DSCAML1: variants seen among roughly 807,000 people sequenced by gnomAD.
DSCAML1 encodes the protein DS cell adhesion molecule like 1.
DSCAML1 carries 38 observed loss-of-function variants against 200.5 expected under a neutral mutation model. That is an observed-to-expected ratio of 0.19 (90% CI 0.15 to 0.25). The LOEUF is 0.25. Ranked by LOEUF, DSCAML1 falls within the 10% of genes least tolerant of loss-of-function variation. DSCAML1 has a pLI of 1.00. For synonymous variants in DSCAML1, 1,215 were observed against 1,165.0 expected, an observed-to-expected ratio of 1.04 and a Z score of -0.87; for missense variants, 2,223 against 2,858.8, an observed-to-expected ratio of 0.78 and a Z score of 5.07.
At chr11:117,512,386 C>T (rs899117498) in intron 8 of DSCAML1, among the ~76,000 whole-genome samples, 7 of 152,112 alleles carry the variant, frequency 4.6e-5, no homozygotes, top group Non-Finnish European at 1.0e-4. Context: ...AATCAAGCAG[C>T]GTGATCATAA....
In DSCAML1 at chr11:117,781,718, C is replaced by G. The variant is rs553133218; in HGVS notation, c.47-908G>C. The stretch of plus-strand genomic sequence containing the variant: ...CTCACTTGGATCGTCTGCTCCTTCA[C>G]TTGGAAAATGGAGGGAGAGGATGGG... On this transcript the variant is annotated intron_variant, in intron 1 of 32. Coordinates refer to ENST00000651296, the MANE Select transcript of DSCAML1 (RefSeq NM_020693.4). 1.1e-4 allele frequency among the ~76,000 whole-genome samples: 17 copies of G among 152,358 alleles called. No individual in the cohort carries two copies. In the South Asian group the frequency reaches 3.1e-3, roughly 28 times the overall value.
chr11:117,627,426 G>A (rs536956491), intron 3 of DSCAML1, among the ~76,000 whole-genome samples: 1 of 152,254 alleles, frequency 6.6e-6, no homozygotes, highest in South Asian at 2.1e-4. Context: ...GGCTTTGACT[G>A]AAGGCCTCTA....
intron 3 of DSCAML1, among the ~76,000 whole-genome samples, chr11:117,678,279 C>A (rs1343890439): frequency 2.0e-5 from 3 of 152,182 alleles, no homozygotes; most frequent in African/African-American, 7.2e-5. Context: ...GAGCCCCAGG[C>A]TACAGGGTGG....
In DSCAML1 at chr11:117,516,392, GT is replaced by G; in HGVS notation, c.1783+74del. 6.5e-7 allele frequency: 1 copy of G among 1,541,748 alleles called. No homozygotes were observed. Among genetic ancestry groups the G allele is most frequent in the Non-Finnish European group, 8.8e-7 (1 of 1,139,918 alleles). Reference sequence around the variant, plus strand: ...CCCAGGATTGCCTATTGTTGTCTGAGTCCCAGCTGGGGAAAGGCCCACGCAT... The same window carrying G: ...CCCAGGATTGCCTATTGTTGTCTGAGCCCAGCTGGGGAAAGGCCCACGCAT... On this transcript the variant is annotated intron_variant, in intron 8 of 32. Coordinates refer to ENST00000651296, the MANE Select transcript of DSCAML1 (RefSeq NM_020693.4). The surrounding 1 kb of genome is among the most constrained non-coding windows in gnomAD (Gnocchi z 5.7).
intron 3 of DSCAML1, among the ~76,000 whole-genome samples, chr11:117,654,010 A>C (rs1348813842): frequency 6.6e-6 from 1 of 152,168 alleles, no homozygotes; most frequent in Admixed American, 6.5e-5. Flanking sequence ...TGGGTGAGAG[A>C]ATGAGACCTT....
rs571602477 is a variant in DSCAML1, at chr11:117,681,464, C to T, written c.511+95327G>A. On this transcript the variant is annotated intron_variant, in intron 3 of 32. Transcript: ENST00000651296. Reference sequence around the variant, plus strand: ...GGCTTGACCACAGGGCAGTGAAGTCCTGTGCAACTGGGAAATGCTTCCCTT... The same window carrying T: ...GGCTTGACCACAGGGCAGTGAAGTCTTGTGCAACTGGGAAATGCTTCCCTT... 3.3e-5 allele frequency among the ~76,000 whole-genome samples: 5 copies of T among 152,354 alleles called. No homozygotes were observed. The East Asian group carries it at 9.6e-4, about 29-fold the overall frequency.
At chr11:117,744,593 G>A (rs2054482504) in intron 3 of DSCAML1, among the ~76,000 whole-genome samples, 1 of 152,218 alleles carries the variant, frequency 6.6e-6, no homozygotes, top group Admixed American at 6.5e-5. Flanking sequence ...GTCTGTGGCT[G>A]GGGGGTGTTC....
chr11:117,788,475 C>T (rs552975868), intron 1 of DSCAML1, among the ~76,000 whole-genome samples: 140 of 152,146 alleles, frequency 9.2e-4, no homozygotes, highest in Non-Finnish European at 1.6e-3. Context: ...TACAGGCGTG[C>T]ACCACCACGC....
At chr11:117,617,680 G>GCACGCA (rs1555190792) in intron 3 of DSCAML1, among the ~76,000 whole-genome samples, 6 of 142,910 alleles carry the variant, frequency 4.2e-5, no homozygotes, top group African/African-American at 1.3e-4. Flanking sequence ...ACAGGTACAC[G>GCACGCA]CACACACACA....
Position 117,472,064 on chromosome 11 carries a change from A to C in DSCAML1, c.2786-28T>G, listed in dbSNP as rs150558858. 305 of 1,610,364 alleles carry C rather than the reference A, an allele frequency of 1.9e-4. 2 individuals carry two copies. The African/African-American group carries it at 2.8e-3, about 15-fold the overall frequency. ...GGAGAGAAGACACCTATGTCAAAGCATGGCCAGGCAAACTCCAGGACCCCT... is the reference window on the plus strand; with the variant it reads ...GGAGAGAAGACACCTATGTCAAAGCCTGGCCAGGCAAACTCCAGGACCCCT... On this transcript the variant is annotated intron_variant, in intron 14 of 32. Coordinates refer to ENST00000651296, the MANE Select transcript of DSCAML1 (RefSeq NM_020693.4).
chr11:117,661,768 C>T (rs2052858990), intron 3 of DSCAML1, among the ~76,000 whole-genome samples: 1 of 152,158 alleles, frequency 6.6e-6, no homozygotes, highest in Non-Finnish European at 1.5e-5. Flanking sequence ...GCAGCTTTTT[C>T]CTGGCACTGC....
chr11:117,796,185 C>T (rs2055569717), intron 1 of DSCAML1, among the ~76,000 whole-genome samples: 1 of 152,222 alleles, frequency 6.6e-6, no homozygotes, highest in African/African-American at 2.4e-5. Context: ...GGATCAGGTA[C>T]GCAGCGCCCC....
chr11:117,608,335 C>T (rs1276136740), intron 3 of DSCAML1, among the ~76,000 whole-genome samples: 2 of 152,024 alleles, frequency 1.3e-5, no homozygotes, highest in East Asian at 3.8e-4. Flanking sequence ...ATGAAGCACG[C>T]TTATTAAAAA....
chr11:117,811,572 G>A (rs1180521876), intron 1 of DSCAML1, among the ~76,000 whole-genome samples: 2 of 152,180 alleles, frequency 1.3e-5, no homozygotes, highest in South Asian at 2.1e-4. Context: ...TAGAAATCTG[G>A]ACACCAGGCC....
intron 3 of DSCAML1, among the ~76,000 whole-genome samples, chr11:117,636,871 T>C (rs1249069718): frequency 1.3e-5 from 2 of 152,156 alleles, no homozygotes; most frequent in African/African-American, 4.8e-5. Context: ...AGTCAGTAAA[T>C]AAATGGGAGC....
At chr11:117,548,908 G>A (rs562995175) in intron 3 of DSCAML1, among the ~76,000 whole-genome samples, 1 of 152,306 alleles carries the variant, frequency 6.6e-6, no homozygotes, top group Non-Finnish European at 1.5e-5. Flanking sequence ...GCTCATTTCT[G>A]TCTCTGCTTT....
intron 3 of DSCAML1, among the ~76,000 whole-genome samples, chr11:117,539,605 T>TC (rs2050228021): frequency 3.7e-5 from 1 of 27,362 alleles, no homozygotes; most frequent in South Asian, 9.1e-4. Flanking sequence ...TAAAACTCTG[T>TC]CAAAAAAAAA....
chr11:117,621,499 G>A (rs745734030), intron 3 of DSCAML1, among the ~76,000 whole-genome samples: 39 of 152,200 alleles, frequency 2.6e-4, no homozygotes, highest in Non-Finnish European at 4.8e-4. Flanking sequence ...AAGGCAGGGA[G>A]GATAAGTGGT....
At chr11:117,782,232 T>C (rs558365665) in intron 1 of DSCAML1, among the ~76,000 whole-genome samples, 7 of 152,308 alleles carry the variant, frequency 4.6e-5, no homozygotes, top group Admixed American at 3.9e-4. Flanking sequence ...CTGGGGAGAA[T>C]ATACCAGGCA....
Sources: gnomAD v4.1 joint callset for allele counts (sites outside exome capture counted in the v4.1 genomes callset) on GRCh38, gnomAD v4.1.1 for gene constraint, Gnocchi (gnomAD v3.1) non-coding constraint, MANE v1.5 for transcripts, NCBI Gene and HGNC (gene_info 2026-07-23, HGNC 2026-07-21) for gene names.